PIP4K2A: variants seen among roughly 807,000 people sequenced by gnomAD.
The protein encoded by PIP4K2A is phosphatidylinositol 5-phosphate 4-kinase type-2 alpha.
Under a neutral mutation model 42.9 loss-of-function variants are expected in PIP4K2A, and 14 were observed. The observed-to-expected ratio is 0.33, with a 90% CI of 0.22 to 0.51. The LOEUF is 0.51. Among genes scored for constraint, PIP4K2A ranks in the 20% least tolerant of loss-of-function variants. The pLI is 0.97. For missense variants in PIP4K2A, 434 were observed against 519.8 expected (o/e 0.83, Z 1.61); for synonymous variants, 192 against 192.2 (o/e 1.00, Z 0.01).
Position 22,536,639 on chromosome 10 carries a change from G to C in PIP4K2A, c.*562C>G, listed in dbSNP as rs1835926263. 7.5e-6 allele frequency: 1 copy of C among 132,658 alleles called. No homozygotes were observed. Among genetic ancestry groups the C allele is most frequent in the African/African-American group, 2.8e-5 (1 of 35,574 alleles). 8.2% of individuals were successfully genotyped at this position (132,658 alleles called of 1,614,324 possible). A position where few individuals can be genotyped will look rare whatever the true frequency, so the allele number is the denominator to read the frequency against. ...ACATTCGCTGTAGGTTTTTTCCTTG[G>C]AATCATCATCATTATTATAATAATC... On this transcript the variant is annotated 3_prime_UTR_variant, in exon 10 of 10. Coordinates refer to ENST00000376573, the MANE Select transcript of PIP4K2A (RefSeq NM_005028.5).
At position 22,608,013 on chromosome 10, in the gene PIP4K2A, G is replaced by A; in HGVS notation, c.253C>T (p.Pro85Ser). Residue 85 changes from proline (P) to serine (S), a missense_variant, in exon 3 of 10, where the codon CCG (proline) becomes TCG (serine). By Grantham distance (74) the Pro-to-Ser change is moderately conservative. Coordinates refer to ENST00000376573, the MANE Select transcript of PIP4K2A (RefSeq NM_005028.5). ...TATTCCTTAAACTTGAAATGGCTCG[G>A]CATGTTTTCTCTGAAACAGTCACAG... ...DNHLFNKENM[P>S]SHFKFKEYCP... The A allele has an allele frequency of 2.5e-6, 4 of 1,607,750 alleles. No individual in the cohort carries two copies. Among genetic ancestry groups the A allele is most frequent in the Non-Finnish European group, 3.4e-6 (4 of 1,174,732 alleles).
chr10:22,623,574 A>AC (rs397799003), intron 1 of PIP4K2A, among the ~76,000 whole-genome samples: 2 of 112,304 alleles, frequency 1.8e-5, no homozygotes, highest in Non-Finnish European at 3.7e-5. Context: ...GAAGGGAGGT[A>AC]CCCCCAGGAA....
At chr10:22,561,563 CA>C (rs1836698199) in intron 6 of PIP4K2A, among the ~76,000 whole-genome samples, 2 of 115,560 alleles carry the variant, frequency 1.7e-5, no homozygotes, top group Non-Finnish European at 3.4e-5. Context: ...ATTCTCTACG[CA>C]GTTTTTTTTT....
intron 1 of PIP4K2A, among the ~76,000 whole-genome samples, chr10:22,638,141 T>A (rs986218118): frequency 6.6e-6 from 1 of 152,192 alleles, no homozygotes; most frequent in African/African-American, 2.4e-5. Flanking sequence ...GGATAATAAC[T>A]TACATGTTGA....
intron 1 of PIP4K2A, among the ~76,000 whole-genome samples, chr10:22,694,808 T>C (rs1353982187): frequency 2.6e-5 from 4 of 152,246 alleles, no homozygotes; most frequent in African/African-American, 9.6e-5. Context: ...TTTAAAATTT[T>C]CAATAAATGT....
intron 3 of PIP4K2A, among the ~76,000 whole-genome samples, chr10:22,598,453 T>C (rs1281434362): frequency 6.6e-6 from 1 of 152,210 alleles, no homozygotes; most frequent in Non-Finnish European, 1.5e-5. Flanking sequence ...ATAACTTACA[T>C]GTTAAAAGGA....
At chr10:22,626,151 C>T (rs1052716246) in intron 1 of PIP4K2A, among the ~76,000 whole-genome samples, 7 of 151,996 alleles carry the variant, frequency 4.6e-5, no homozygotes, top group South Asian at 2.1e-4. Flanking sequence ...TATGCAAGTT[C>T]GGAATATAAA....
intron 4 of PIP4K2A, among the ~76,000 whole-genome samples, chr10:22,574,049 C>T (rs1014340985): frequency 3.9e-5 from 6 of 152,244 alleles, no homozygotes; most frequent in African/African-American, 1.4e-4. Context: ...CTGGTTTCCA[C>T]CAAGTTAACT....
intron 1 of PIP4K2A, among the ~76,000 whole-genome samples, chr10:22,689,272 G>A (rs1839816602): frequency 6.6e-6 from 1 of 151,540 alleles, no homozygotes; most frequent in African/African-American, 2.4e-5. Flanking sequence ...AGTTAATAAA[G>A]GCCTGTACAT....
intron 1 of PIP4K2A, among the ~76,000 whole-genome samples, chr10:22,681,133 A>C (rs1282586421): frequency 6.6e-6 from 1 of 152,128 alleles, no homozygotes; most frequent in Non-Finnish European, 1.5e-5. Context: ...TTTCTTCTCA[A>C]ATGTATCGTT....
intron 1 of PIP4K2A, among the ~76,000 whole-genome samples, chr10:22,641,283 T>A (rs1261435636): frequency 6.6e-6 from 1 of 152,186 alleles, no homozygotes; most frequent in East Asian, 1.9e-4. Context: ...ACCCACAGCC[T>A]GCAGAACAGG....
At chr10:22,586,710 T>G (rs1321185425) in intron 4 of PIP4K2A, among the ~76,000 whole-genome samples, 1 of 152,096 alleles carries the variant, frequency 6.6e-6, no homozygotes, top group Non-Finnish European at 1.5e-5. Context: ...TTTGTATTTT[T>G]AGTAGAGATG....
At chr10:22,678,912 G>A (rs934990376) in intron 1 of PIP4K2A, among the ~76,000 whole-genome samples, 1 of 152,206 alleles carries the variant, frequency 6.6e-6, no homozygotes, top group African/African-American at 2.4e-5. Context: ...TGTTCCCTAT[G>A]TATTGTCCTT....
intron 1 of PIP4K2A, among the ~76,000 whole-genome samples, chr10:22,690,655 C>T (rs1839850067): frequency 6.6e-6 from 1 of 152,188 alleles, no homozygotes; most frequent in Admixed American, 6.5e-5. Flanking sequence ...TGCACATGGA[C>T]TGACATTTGG....
chr10:22,698,875 T>G (rs1476649994), intron 1 of PIP4K2A, among the ~76,000 whole-genome samples: 2 of 152,230 alleles, frequency 1.3e-5, no homozygotes, highest in Non-Finnish European at 2.9e-5. Flanking sequence ...TATCTGTACT[T>G]ATCAGAACTT....
intron 1 of PIP4K2A, among the ~76,000 whole-genome samples, chr10:22,664,078 TATATATATATACATATATATATATAC>T (rs1564459827): frequency 1.8e-4 from 12 of 66,336 alleles, no homozygotes; most frequent in South Asian, 3.8e-4. Flanking sequence ...TATATATACG[TATATATATATACATATATATATATAC>T]ATATATATAT....
At chr10:22,647,318 GTGTGTA>G (rs113679971) in intron 1 of PIP4K2A, among the ~76,000 whole-genome samples, 3,136 of 94,154 alleles carry the variant, frequency 0.033, 44 homozygotes, top group Non-Finnish European at 0.037. Flanking sequence ...CTGTGTGTGT[GTGTGTA>G]TGTGTGTGTG....
At chr10:22,574,075 T>C (rs16922479) in intron 4 of PIP4K2A, among the ~76,000 whole-genome samples, 24,888 of 146,724 alleles carry the variant, frequency 0.17, 2,618 homozygotes, top group African/African-American at 0.32. Flanking sequence ...AGCCCAGGGT[T>C]GACACCATTT....
At chr10:22,558,106 C>T (rs992131640) in intron 6 of PIP4K2A, among the ~76,000 whole-genome samples, 11 of 152,104 alleles carry the variant, frequency 7.2e-5, no homozygotes, top group African/African-American at 1.4e-4. Flanking sequence ...AGACTGCTGC[C>T]GGGTGTCCTT....
Sources: allele counts gnomAD v4.1 joint callset (sites outside exome capture counted in the v4.1 genomes callset), GRCh38; gene constraint gnomAD v4.1.1; transcripts MANE v1.5; gene names NCBI Gene and HGNC (gene_info 2026-07-23, HGNC 2026-07-21).